Variants in PXDN observed in about 807,000 individuals in gnomAD.
PXDN encodes the protein peroxidasin, also known as peroxidasin homolog.
PXDN carries 77 observed loss-of-function variants against 140.3 expected under a neutral mutation model. That is an observed-to-expected ratio of 0.55 (90% CI 0.46 to 0.66). PXDN has a LOEUF of 0.66. Ranked by LOEUF, PXDN falls within the 30% of genes least tolerant of loss-of-function variation. The pLI is 0.00. For missense variants in PXDN, 1,838 were observed against 2,039.5 expected (o/e 0.90, Z 1.90); for synonymous variants, 911 against 857.4 (o/e 1.06, Z -1.09).
At chr2:1,671,641 T>G (rs992596833) in intron 9 of PXDN, among the ~76,000 whole-genome samples, 1 of 152,216 alleles carries the variant, frequency 6.6e-6, no homozygotes, top group African/African-American at 2.4e-5. Context: ...TGCAAACTTT[T>G]TATATGCTCC....
chr2:1,683,340 C>T (rs1430169196), intron 6 of PXDN, among the ~76,000 whole-genome samples: 13 of 152,128 alleles, frequency 8.5e-5, no homozygotes, highest in African/African-American at 2.2e-4. Flanking sequence ...TGCTTGAGCC[C>T]GGGAGGTTGA....
At chr2:1,656,934 A>G (rs116119694) in intron 14 of PXDN, among the ~76,000 whole-genome samples, 4,309 of 135,480 alleles carry the variant, frequency 0.032, 186 homozygotes, top group African/African-American at 0.12. Flanking sequence ...CTCCTGACAG[A>G]AACCTGTCCC....
rs774721442 is a variant in PXDN at position 1,660,217 on chromosome 2, G to A, written c.1837+664C>T. 6.6e-6 allele frequency among the ~76,000 whole-genome samples: 1 copy of A among 152,132 alleles called. No homozygotes were observed. The highest frequency in any genetic ancestry group is 1.5e-5 in the Non-Finnish European group (1 of 68,020). On this transcript the variant is annotated intron_variant, in intron 14 of 22. Transcript: ENST00000252804. This position sits in a 1 kb window ranked among gnomAD's most constrained non-coding sequence, Gnocchi z 4.6. ...GAGAAGGGTCAGGGACACATCATGG[G>A]CATCATGGGGTCTGTGGGTTGAGAA...
chr2:1,725,666 G>T (rs1266435215), intron 1 of PXDN, among the ~76,000 whole-genome samples: 1 of 152,104 alleles, frequency 6.6e-6, no homozygotes, highest in Non-Finnish European at 1.5e-5. Context: ...GAAAATTTTC[G>T]CGACCTACTC....
intron 1 of PXDN, among the ~76,000 whole-genome samples, chr2:1,734,054 T>C (rs1198529155): frequency 6.6e-6 from 1 of 152,106 alleles, no homozygotes; most frequent in Non-Finnish European, 1.5e-5. Context: ...AGAAGTACAG[T>C]GTGGAGTTTA....
rs138349004 is a variant in PXDN, at chr2:1,707,714, G to A, written c.201-14580C>T. ...GAAGACATTTCCCTGCACAAGGCAG[G>A]GAATGAACACACTCTGGGTTCTTCA... On this transcript the variant is annotated intron_variant, in intron 1 of 22. Coordinates refer to ENST00000252804, the MANE Select transcript of PXDN (RefSeq NM_012293.3). 2.8e-3 allele frequency among the ~76,000 whole-genome samples: 434 copies of A among 152,286 alleles called. 3 individuals are homozygous for A. Among genetic ancestry groups the A allele is most frequent in the Non-Finnish European group, 4.6e-3 (315 of 68,032 alleles).
chr2:1,656,047 A>G (rs1683126579), intron 14 of PXDN, among the ~76,000 whole-genome samples: 1 of 151,644 alleles, frequency 6.6e-6, no homozygotes, highest in Non-Finnish European at 1.5e-5. Context: ...CCAACACCAT[A>G]GCATACCACA....
At chr2:1,692,151 C>T (rs1336871035) in intron 2 of PXDN, among the ~76,000 whole-genome samples, 152 bp from the exon 3 acceptor site, 1 of 152,234 alleles carries the variant, frequency 6.6e-6, no homozygotes, top group Non-Finnish European at 1.5e-5. Flanking sequence ...ACCCGCAGGA[C>T]AAAACACAGC....
intron 1 of PXDN, among the ~76,000 whole-genome samples, chr2:1,702,060 C>T (rs1484319360): frequency 3.9e-5 from 6 of 152,266 alleles, no homozygotes; most frequent in African/African-American, 1.2e-4. Flanking sequence ...AGACATAACA[C>T]GCCCACTAAT....
chr2:1,649,774 A>C lies in PXDN; in HGVS notation c.2105-99T>G. The C allele has an allele frequency of 1.5e-6, 2 of 1,353,854 alleles. No homozygotes were observed. Among genetic ancestry groups the C allele is most frequent in the Admixed American group, 1.9e-5 (1 of 53,992 alleles). The allele number at this position is 1,353,854 out of a possible 1,614,324, so 83.9% of individuals were successfully genotyped here. On this transcript the variant is annotated intron_variant, in intron 16 of 22. Transcript: ENST00000252804. This position sits in a 1 kb window ranked among gnomAD's most constrained non-coding sequence, Gnocchi z 7.1. ...CTCTGCCGCTGACATGGGGCTATCTACCCCCAGCTCATGAAACCTGTTGTG... is the reference window on the plus strand; with the variant it reads ...CTCTGCCGCTGACATGGGGCTATCTCCCCCCAGCTCATGAAACCTGTTGTG...
In PXDN at chr2:1,648,434, G is replaced by T; in HGVS notation, c.3346C>A (p.Pro1116Thr). ...ACCCCGAACAGCCCCCTGAGAAGCG[G>T]ATCGATGCCGCCCTCATTCACAATC... ...FRIVNEGGID[P>T]LLRGLFGVAG... Residue 1116 changes from proline to threonine, a missense_variant, in exon 17 of 23, where the codon CCG (proline) becomes ACG (threonine). By Grantham distance (38) the Pro-to-Thr change is conservative. Transcript: ENST00000252804. This position sits in a 1 kb window ranked among gnomAD's most constrained non-coding sequence, Gnocchi z 8.9. 1 of 1,610,770 alleles carries T rather than the reference G, an allele frequency of 6.2e-7. No homozygotes were observed. Among genetic ancestry groups the T allele is most frequent in the Non-Finnish European group, 8.5e-7 (1 of 1,179,858 alleles).
chr2:1,725,411 T>C (rs530748356), intron 1 of PXDN, among the ~76,000 whole-genome samples: 3 of 151,916 alleles, frequency 2.0e-5, no homozygotes, highest in Admixed American at 1.3e-4. Flanking sequence ...CCTTACACCT[T>C]ATACAAAAAT....
intron 14 of PXDN, among the ~76,000 whole-genome samples, chr2:1,655,402 C>A (rs1683108664): frequency 6.6e-6 from 1 of 151,608 alleles, no homozygotes; most frequent in Non-Finnish European, 1.5e-5. Context: ...ACACCACACA[C>A]ATCACATTAT....
intron 17 of PXDN, among the ~76,000 whole-genome samples, chr2:1,647,627 T>G (rs1187241388): frequency 1.3e-5 from 2 of 152,186 alleles, no homozygotes; most frequent in Non-Finnish European, 2.9e-5. Context: ...GTGGCGGTCA[T>G]GGGCAGGTGG....
intron 18 of PXDN, 94 bp from the exon 19 acceptor site, chr2:1,643,670 G>T: frequency 7.5e-7 from 1 of 1,328,428 alleles, no homozygotes; most frequent in Non-Finnish European, 1.1e-6. Flanking sequence ...TTAGTTCACA[G>T]CAATACAGAA....
In PXDN at chr2:1,691,964, C is replaced by A. The variant is rs966324417; in HGVS notation, c.308G>T (p.Ser103Ile). ...ATTTTCCAAGTCTTCAAATGCTCCA[C>A]TAGGTATCCTCTTGATCTGATTATT... is the stretch of plus-strand genomic sequence containing the variant. ...LNNNQIKRIP[S>I]GAFEDLENLK... The change falls in exon 3 of 23, where the codon AGT (serine) becomes ATT (isoleucine). Residue 103 changes from serine to isoleucine, a missense_variant. Ser to Ile is a moderately radical substitution (Grantham distance 142). This residue lies in a region of PXDN where 231 missense variants were observed against 201.5 expected (regional missense o/e 1.15). Transcript: ENST00000252804. The A allele has an allele frequency of 6.5e-7, 1 of 1,528,894 alleles. No individual in the cohort carries two copies. The highest frequency in any genetic ancestry group is 8.8e-7 in the Non-Finnish European group (1 of 1,131,950). The allele number at this position is 1,528,894 out of a possible 1,614,324, so 94.7% of individuals were successfully genotyped here.
intron 1 of PXDN, among the ~76,000 whole-genome samples, chr2:1,720,735 C>A (rs1417905123): frequency 1.3e-5 from 2 of 151,734 alleles, no homozygotes; most frequent in African/African-American, 2.4e-5. Context: ...CACACACACA[C>A]ACACACACAC....
chr2:1,639,542 T>C lies in PXDN; in HGVS notation c.3953-120A>G, dbSNP rs954224253. Reference sequence around the variant, plus strand: ...GCCCGTGGAACAAACTGTGGCACATTTCAGTGAGGCAACCTGGCAGCTGGT... The same window carrying C: ...GCCCGTGGAACAAACTGTGGCACATCTCAGTGAGGCAACCTGGCAGCTGGT... On this transcript the variant is annotated intron_variant, in intron 19 of 22. Transcript: ENST00000252804. The surrounding 1 kb of genome is among the most constrained non-coding windows in gnomAD (Gnocchi z 5.0). 4.1e-6 allele frequency: 6 copies of C among 1,446,200 alleles called. No homozygotes were observed. The highest frequency in any genetic ancestry group is 4.6e-5 in the East Asian group (2 of 43,730). The allele number at this position is 1,446,200 out of a possible 1,614,324, so 89.6% of individuals were successfully genotyped here. A position where few individuals can be genotyped will look rare whatever the true frequency, so the allele number is the denominator to read the frequency against.
chr2:1,641,220 C>T (rs1030906511), intron 19 of PXDN, among the ~76,000 whole-genome samples: 82 of 152,182 alleles, frequency 5.4e-4, no homozygotes, highest in African/African-American at 1.8e-3. Flanking sequence ...GGCACGATCT[C>T]AGCTCACTGC....
Sources: allele counts gnomAD v4.1 joint callset (sites outside exome capture counted in the v4.1 genomes callset), GRCh38; gene constraint gnomAD v4.1.1; regional missense constraint gnomAD v4.1.1; non-coding constraint Gnocchi (gnomAD v3.1); transcripts MANE v1.5; gene names NCBI Gene and HGNC (gene_info 2026-07-23, HGNC 2026-07-21).